The following PVT1 variants were observed in gnomAD, a reference collection of about 807,000 sequenced individuals.
PVT1 encodes Pvt1 oncogene, also known as CXCR4/PVT1 fusion.
intron 2 of PVT1, among the ~76,000 whole-genome samples, chr8:127,851,006 C>CAA (rs57840226): frequency 0.024 from 2,740 of 115,374 alleles, 86 homozygotes; most frequent in African/African-American, 0.091. Context: ...GACTCTGTCT[C>CAA]AAAAAAAAAA....
chr8:127,831,153 CTCTA>C (rs1225211708), intron 2 of PVT1, among the ~76,000 whole-genome samples: 2 of 147,996 alleles, frequency 1.4e-5, no homozygotes, highest in Admixed American at 6.7e-5. Flanking sequence ...CTCTCTCTCT[CTCTA>C]TATATATATA....
intron 4 of PVT1, among the ~76,000 whole-genome samples, chr8:128,015,547 G>T (rs1025725798): frequency 2.0e-5 from 3 of 151,992 alleles, no homozygotes; most frequent in Non-Finnish European, 2.9e-5. Flanking sequence ...AGGCCAAGGT[G>T]GTAGATCACG....
intron 3 of PVT1, among the ~76,000 whole-genome samples, chr8:127,902,210 C>A (rs1815767359): frequency 6.6e-6 from 1 of 152,126 alleles, no homozygotes; most frequent in South Asian, 2.1e-4. Flanking sequence ...GAAAGTCCAA[C>A]ACTCTGGGAA....
chr8:127,853,354 G>A (rs767913823), intron 2 of PVT1, among the ~76,000 whole-genome samples: 4 of 152,152 alleles, frequency 2.6e-5, no homozygotes, highest in Non-Finnish European at 5.9e-5. Context: ...CTAAGGGCTG[G>A]CAGCAGTGGA....
chr8:127,819,808 T>A (rs1473438098), intron 2 of PVT1, among the ~76,000 whole-genome samples: 1 of 152,196 alleles, frequency 6.6e-6, no homozygotes, highest in Non-Finnish European at 1.5e-5. Context: ...CTCTTAACAT[T>A]GGAAAGGATT....
chr8:127,927,706 C>A (rs996590892), intron 3 of PVT1, among the ~76,000 whole-genome samples: 1 of 152,154 alleles, frequency 6.6e-6, no homozygotes, highest in Non-Finnish European at 1.5e-5. Context: ...TGACTTTAGG[C>A]AACTGACTGT....
Position 127,863,078 on chromosome 8 carries a change from TTTTATTTATTTA to T in PVT1, n.373-27475_373-27464del, listed in dbSNP as rs146647918. Among the ~76,000 whole-genome samples the T allele has an allele frequency of 5.8e-3, 822 of 142,126 alleles. 5 individuals are homozygous for T. Among genetic ancestry groups the T allele is most frequent in the Middle Eastern group, 0.025 (7 of 280 alleles). 93.2% of individuals were successfully genotyped at this position (142,126 alleles called of 152,430 possible). On this transcript the variant is annotated intron_variant and non_coding_transcript_variant, in intron 2 of 10. Coordinates refer to ENST00000651587, the Ensembl canonical transcript of PVT1. ...CCCCATTAATCTGGGCAGTTGCTAG[TTTTATTTATTTA>T]TTTATTTATTTATTTATTTATTTAT...
At position 127,897,807 on chromosome 8, in the gene PVT1, GAGAAA is replaced by G. The variant is rs764448122; in HGVS notation, n.782+6830_782+6834del. Among the ~76,000 whole-genome samples, 168 of 117,364 alleles carry G rather than the reference GAGAAA, an allele frequency of 1.4e-3. 1 individual carries two copies. The highest frequency in any genetic ancestry group is 5.6e-3 in the East Asian group (21 of 3,776). The allele number at this position is 117,364 out of a possible 152,430, so 77.0% of individuals were successfully genotyped here. A position where few individuals can be genotyped will look rare whatever the true frequency, so the allele number is the denominator to read the frequency against. ...CCTGTCCTTTGTACCTGCGTGAAGA[GAGAAA>G]AGAAAAGAAAAGAAAAGAAAGAAAG... On this transcript the variant is annotated intron_variant and non_coding_transcript_variant, in intron 3 of 10. Coordinates refer to ENST00000651587, the Ensembl canonical transcript of PVT1.
intron 5 of PVT1, among the ~76,000 whole-genome samples, chr8:128,072,568 T>G (rs1326151539): frequency 6.6e-6 from 1 of 152,156 alleles, no homozygotes; most frequent in Non-Finnish European, 1.5e-5. Context: ...TGACAAAAAG[T>G]CTAAGAGTCA....
intron 2 of PVT1, among the ~76,000 whole-genome samples, chr8:127,830,875 C>T (rs779057225): frequency 1.3e-5 from 2 of 152,114 alleles, no homozygotes; most frequent in East Asian, 1.9e-4. Flanking sequence ...TCTTAGCCTA[C>T]ATCTTTCTCC....
intron 5 of PVT1, among the ~76,000 whole-genome samples, chr8:128,084,653 A>T (rs1213025341): frequency 6.6e-6 from 1 of 152,254 alleles, no homozygotes; most frequent in African/African-American, 2.4e-5. Context: ...AACTACAAAG[A>T]GCCATTTTAG....
chr8:128,082,269 G>T (rs184541247), intron 5 of PVT1, among the ~76,000 whole-genome samples: 1 of 152,302 alleles, frequency 6.6e-6, no homozygotes, highest in East Asian at 1.9e-4. Flanking sequence ...TAAGTAACTT[G>T]TTCGGGGTGC....
chr8:127,942,383 C>T (rs535680349), intron 3 of PVT1, among the ~76,000 whole-genome samples: 1 of 152,210 alleles, frequency 6.6e-6, no homozygotes, highest in Non-Finnish European at 1.5e-5. Context: ...TCTTGTTGAC[C>T]CATAGCCACC....
At chr8:128,030,137 C>G (rs988720035) in intron 4 of PVT1, among the ~76,000 whole-genome samples, 1 of 151,954 alleles carries the variant, frequency 6.6e-6, no homozygotes, top group African/African-American at 2.4e-5. Context: ...TTAAAAAAAC[C>G]TTTTTATCCT....
intron 5 of PVT1, among the ~76,000 whole-genome samples, chr8:128,078,568 T>A (rs1814124041): frequency 6.6e-6 from 1 of 152,290 alleles, no homozygotes; most frequent in Non-Finnish European, 1.5e-5. Flanking sequence ...GTGGAGGTGG[T>A]GTTATTGTTA....
At chr8:128,075,208 A>T (rs1814069769) in intron 5 of PVT1, among the ~76,000 whole-genome samples, 1 of 152,138 alleles carries the variant, frequency 6.6e-6, no homozygotes, top group Non-Finnish European at 1.5e-5. Context: ...TTCCCGTGAA[A>T]CATGGAGATC....
chr8:127,939,585 AG>A (rs1223151709), intron 3 of PVT1: 2 of 152,204 alleles, frequency 1.3e-5, no homozygotes, highest in African/African-American at 4.8e-5. Context: ...TGGTACTTTA[AG>A]TGGAGGCTGA....
intron 4 of PVT1, among the ~76,000 whole-genome samples, chr8:128,014,611 G>A (rs1817350898): frequency 6.6e-6 from 1 of 152,182 alleles, no homozygotes; most frequent in South Asian, 2.1e-4. Context: ...CACAGACTTG[G>A]CGGGGAAGGT....
intron 4 of PVT1, among the ~76,000 whole-genome samples, chr8:127,989,672 G>A (rs1817009194): frequency 6.6e-6 from 1 of 152,146 alleles, no homozygotes; most frequent in South Asian, 2.1e-4. Context: ...ACACCTTTGG[G>A]ACATCCAGAA....
Sources: allele counts gnomAD v4.1 joint callset (sites outside exome capture counted in the v4.1 genomes callset), GRCh38; gene constraint gnomAD v4.1.1; transcripts MANE v1.5; gene names NCBI Gene and HGNC (gene_info 2026-07-23, HGNC 2026-07-21).